Variants in ROBO2 observed in about 807,000 individuals in gnomAD.
ROBO2 encodes the protein roundabout guidance receptor 2.
ROBO2 carries 53 observed loss-of-function variants against 160.8 expected under a neutral mutation model. The observed-to-expected ratio is 0.33, with a 90% CI of 0.26 to 0.41. The LOEUF is 0.41. Among genes scored for constraint, ROBO2 ranks in the 10% least tolerant of loss-of-function variants. The probability of loss-of-function intolerance (pLI) is 1.00; values close to 1 mark genes in which losing one functional copy is unlikely to be tolerated. For missense variants in ROBO2, 1,577 were observed against 1,722.4 expected, an observed-to-expected ratio of 0.92 and a Z score of 1.49; for synonymous variants, 664 against 611.7, an observed-to-expected ratio of 1.09 and a Z score of -1.26.
chr3:77,583,327 T>C (rs2093967697), intron 16 of ROBO2, among the ~76,000 whole-genome samples: 1 of 151,926 alleles, frequency 6.6e-6, no homozygotes, highest in Non-Finnish European at 1.5e-5. Flanking sequence ...AAGTTGTCCC[T>C]GTTTCTTTCC....
chr3:77,258,184 C>A (rs7632241), intron 2 of ROBO2, among the ~76,000 whole-genome samples: 1 of 152,208 alleles, frequency 6.6e-6, no homozygotes, highest in African/African-American at 2.4e-5. Context: ...ATTTGAAAGG[C>A]GCATGTAGTT....
At chr3:76,866,020 C>A (rs1375525299) in intron 2 of ROBO2, among the ~76,000 whole-genome samples, 3 of 152,016 alleles carry the variant, frequency 2.0e-5, no homozygotes, top group Non-Finnish European at 2.9e-5. Context: ...GCCTTACCAG[C>A]CAAATTACAG....
chr3:77,614,759 A>C (rs1027778460), intron 21 of ROBO2, among the ~76,000 whole-genome samples: 7 of 152,130 alleles, frequency 4.6e-5, no homozygotes, highest in African/African-American at 1.7e-4. Context: ...CCAACCAAAC[A>C]AACAAACAAA....
At chr3:77,433,338 G>A (rs577691333) in intron 2 of ROBO2, among the ~76,000 whole-genome samples, 13 of 151,348 alleles carry the variant, frequency 8.6e-5, no homozygotes, top group South Asian at 4.2e-4. Flanking sequence ...TTTCCCATCC[G>A]TCCTAAACTG....
chr3:76,487,039 A>G (rs537430911), intron 2 of ROBO2, among the ~76,000 whole-genome samples: 15 of 152,250 alleles, frequency 9.9e-5, no homozygotes, highest in African/African-American at 3.6e-4. Context: ...GCACAGTCAT[A>G]GCTCATGACA....
chr3:76,231,076 C>A (rs1038424144), intron 2 of ROBO2, among the ~76,000 whole-genome samples: 2 of 152,162 alleles, frequency 1.3e-5, no homozygotes, highest in Non-Finnish European at 2.9e-5. Flanking sequence ...TTCAGACTTA[C>A]TGCTTTCAGA....
intron 2 of ROBO2, among the ~76,000 whole-genome samples, chr3:76,518,259 A>T (rs549940800): frequency 6.6e-6 from 1 of 152,310 alleles, no homozygotes; most frequent in East Asian, 1.9e-4. Context: ...TTTGGCTCCA[A>T]GGTGTCCACT....
chr3:77,179,619 A>G (rs770606850), intron 2 of ROBO2, among the ~76,000 whole-genome samples: 77 of 152,260 alleles, frequency 5.1e-4, no homozygotes, highest in Admixed American at 2.4e-3. Flanking sequence ...AACATTAAAA[A>G]CAGTTGGTTA....
intron 2 of ROBO2, among the ~76,000 whole-genome samples, chr3:77,327,830 AC>A (rs1581102085): frequency 1.3e-5 from 2 of 152,146 alleles, no homozygotes; most frequent in East Asian, 3.9e-4. Flanking sequence ...TGGGTCGATC[AC>A]CTGAGGTCAG....
intron 2 of ROBO2, among the ~76,000 whole-genome samples, chr3:76,102,589 A>G (rs2069742189): frequency 6.6e-6 from 1 of 152,202 alleles, no homozygotes; most frequent in Admixed American, 6.5e-5. Context: ...ACAGTAAGGA[A>G]TTCTCAGAGG....
At chr3:77,198,776 G>T (rs1012817234) in intron 2 of ROBO2, among the ~76,000 whole-genome samples, 3 of 152,046 alleles carry the variant, frequency 2.0e-5, no homozygotes, top group African/African-American at 7.2e-5. Flanking sequence ...GGTGCTGTGT[G>T]CCTGCAATCC....
intron 14 of ROBO2, among the ~76,000 whole-genome samples, chr3:77,575,528 G>C (rs2093741007): frequency 6.6e-6 from 1 of 151,982 alleles, no homozygotes; most frequent in African/African-American, 2.4e-5. Context: ...CTATGTGCTT[G>C]ACCAAAGAGC....
intron 2 of ROBO2, among the ~76,000 whole-genome samples, chr3:76,227,674 A>G (rs139312878): frequency 0.011 from 1,653 of 152,270 alleles, 23 homozygotes; most frequent in African/African-American, 0.038. Flanking sequence ...GATAAAAAGA[A>G]TCTCTACTAC....
intron 2 of ROBO2, among the ~76,000 whole-genome samples, chr3:76,190,232 G>A (rs1701945058): frequency 6.6e-6 from 1 of 152,034 alleles, no homozygotes; most frequent in African/African-American, 2.4e-5. Flanking sequence ...ACAACAAAAT[G>A]ATTGACAAAA....
At position 77,197,140 on chromosome 3, in the gene ROBO2, C is replaced by A. The variant is rs183804233; in HGVS notation, c.388+98800C>A. 2.0e-5 allele frequency among the ~76,000 whole-genome samples: 3 copies of A among 152,100 alleles called. No individual in the cohort carries two copies. The East Asian group carries it at 5.8e-4, about 29-fold the overall frequency. On this transcript the variant is annotated intron_variant, in intron 2 of 25. Transcript: ENST00000461745. ...TATTTCTGCTGGGTGGGAAGGCTTC[C>A]GTGTGATTTCTCTTGAAGAAAGTCT... is the stretch of plus-strand genomic sequence containing the variant.
At chr3:76,617,393 T>C (rs1450040921) in intron 2 of ROBO2, among the ~76,000 whole-genome samples, 1 of 152,204 alleles carries the variant, frequency 6.6e-6, no homozygotes, top group African/African-American at 2.4e-5. Context: ...TGAAACTTTA[T>C]AATCTAAACA....
At chr3:76,829,664 T>C in intron 2 of ROBO2, among the ~76,000 whole-genome samples, 1 of 147,708 alleles carries the variant, frequency 6.8e-6, no homozygotes, top group South Asian at 2.3e-4. Flanking sequence ...TCTTTCTTTT[T>C]TTTTCTTTTT....
chr3:76,529,000 G>A (rs2082089681), intron 2 of ROBO2, among the ~76,000 whole-genome samples: 1 of 152,150 alleles, frequency 6.6e-6, no homozygotes, highest in South Asian at 2.1e-4. Context: ...GAAGTTCACT[G>A]GTGACCTTGA....
chr3:77,295,790 A>G (rs1244037926), intron 2 of ROBO2, among the ~76,000 whole-genome samples: 3 of 151,018 alleles, frequency 2.0e-5, no homozygotes, highest in Non-Finnish European at 4.4e-5. Flanking sequence ...TGATGTTTAA[A>G]TGGGTAAGCT....
Sources: gnomAD v4.1 joint callset for allele counts (sites outside exome capture counted in the v4.1 genomes callset) on GRCh38, gnomAD v4.1.1 for gene constraint, MANE v1.5 for transcripts, NCBI Gene and HGNC (gene_info 2026-07-23, HGNC 2026-07-21) for gene names.